The following STARD10 variants were observed in gnomAD, a reference collection of about 807,000 sequenced individuals.
STARD10 encodes the protein StAR related lipid transfer domain containing 10, also known as START domain-containing protein 10.
In STARD10, 24 loss-of-function variants were observed where a neutral mutation model predicts 36.0. That is an observed-to-expected ratio of 0.67 (90% CI 0.48 to 0.94). The LOEUF is 0.94. Among genes scored for constraint, STARD10 ranks in the 40% least tolerant of loss-of-function variants. The pLI, the probability that STARD10 is intolerant of heterozygous loss-of-function variation, is 0.00. For missense variants in STARD10, 335 were observed against 396.6 expected (o/e 0.84, Z 1.32); for synonymous variants, 156 against 161.9 (o/e 0.96, Z 0.28).
In STARD10 at chr11:72,755,003, G is replaced by A. The variant is rs369117140; in HGVS notation, c.770C>T (p.Ala257Val). The A allele has an allele frequency of 1.2e-6, 2 of 1,612,514 alleles. No homozygotes were observed. The highest frequency in any genetic ancestry group is 8.5e-7 in the Non-Finnish European group (1 of 1,179,486). ...LALSELSVQH[A>V]DSLENIDESA... ...CTCGTCGATGTTCTCCAGTGAGTCC[G>A]CATGCTGCACCGACAGCTCCGACAG... Residue 257 changes from alanine (A) to valine (V), a missense_variant, in exon 7 of 7, where the codon GCG (alanine) becomes GTG (valine). Coordinates refer to ENST00000334805, the MANE Select transcript of STARD10 (RefSeq NM_006645.3).
chr11:72,756,759 T>G (rs1032595884), intron 5 of STARD10, among the ~76,000 whole-genome samples: 2 of 151,876 alleles, frequency 1.3e-5, no homozygotes, highest in Admixed American at 1.3e-4. Context: ...TTAGAGAAAT[T>G]CCTCTGGCCG....
In STARD10 at chr11:72,767,203, A is replaced by G. The variant is rs549746226; in HGVS notation, c.208-7822T>C. On this transcript the variant is annotated intron_variant, in intron 2 of 6. Coordinates refer to ENST00000334805, the MANE Select transcript of STARD10 (RefSeq NM_006645.3). ...GCCCTGAACAACAGCCCCAACCTCC[A>G]TAACCATTACCATTGCTCGAAATCA... Among the ~76,000 whole-genome samples, 181 of 152,276 alleles carry G rather than the reference A, an allele frequency of 1.2e-3. 2 individuals carry two copies. Among genetic ancestry groups the G allele is most frequent in the South Asian group, 6.8e-3 (33 of 4,818 alleles).
At chr11:72,763,562 GACAA>G (rs1038281229) in intron 2 of STARD10, among the ~76,000 whole-genome samples, 2 of 152,124 alleles carry the variant, frequency 1.3e-5, no homozygotes, top group African/African-American at 4.8e-5. Flanking sequence ...GGGAACCTCA[GACAA>G]ACCCAGAATG....
chr11:72,755,064 G>A lies in STARD10; in HGVS notation c.709C>T (p.Leu237=), dbSNP rs201085600. ...GGCAACGGGCTCTGCTCCGGGTGCA[G>A]CCACGGCTTGAAGTGAGGCAGGTGC... ...QKHLPHFKPW[L]HPEQSPLPSL... is the part of the protein sequence containing the mutation. Residue 237 remains leucine (L), a synonymous_variant, in exon 7 of 7, where the codon CTG becomes TTG. Transcript: ENST00000334805. 4.3e-5 allele frequency: 70 copies of A among 1,613,214 alleles called. No individual in the cohort carries two copies. The African/African-American group carries it at 8.1e-4, about 19-fold the overall frequency.
intron 1 of STARD10, among the ~76,000 whole-genome samples, chr11:72,787,162 C>T (rs1382298601): frequency 6.6e-6 from 1 of 151,858 alleles, no homozygotes; most frequent in Admixed American, 6.6e-5. Context: ...GACCACACAC[C>T]ACTAAGTAAG....
At chr11:72,785,742 A>G (rs1859063958) in intron 1 of STARD10, 1 of 152,538 alleles carries the variant, frequency 6.6e-6, no homozygotes, top group African/African-American at 2.4e-5. Flanking sequence ...GGTGGCCCCC[A>G]ACCTGCCCAG....
At chr11:72,759,169 G>A in intron 3 of STARD10, 65 bp downstream of exon 3, 3 of 1,580,266 alleles carry the variant, frequency 1.9e-6, no homozygotes, top group Admixed American at 3.5e-5. Flanking sequence ...GGGGGAAGAG[G>A]AGGCTTGGTG....
intron 1 of STARD10, among the ~76,000 whole-genome samples, chr11:72,787,492 C>T (rs1311504020): frequency 1.3e-5 from 2 of 152,240 alleles, no homozygotes; most frequent in Non-Finnish European, 2.9e-5. Context: ...CCCAGGTGGG[C>T]AGGGCCTGAA....
intron 6 of STARD10, 124 bp downstream of exon 6, chr11:72,755,577 C>T: frequency 1.7e-6 from 2 of 1,145,960 alleles, no homozygotes; most frequent in Non-Finnish European, 2.6e-6. Context: ...TCCCAAAGTG[C>T]TGGGATTACA....
At chr11:72,759,514 T>C (rs1858689492) in intron 2 of STARD10, 133 bp from the exon 3 acceptor site, 1 of 1,096,040 alleles carries the variant, frequency 9.1e-7, no homozygotes, top group Non-Finnish European at 1.3e-6. Context: ...GAAACCAGCA[T>C]GGACTTCCTT....
intron 1 of STARD10, among the ~76,000 whole-genome samples, chr11:72,792,478 C>T (rs372402783): frequency 1.6e-4 from 25 of 151,974 alleles, no homozygotes; most frequent in African/African-American, 4.3e-4. Flanking sequence ...CCCCAACCTA[C>T]CCCCAAAACC....
At position 72,757,808 on chromosome 11, in the gene STARD10, T is replaced by C. The variant is rs374927236; in HGVS notation, c.536A>G (p.Lys179Arg). 3.8e-5 allele frequency: 62 copies of C among 1,614,200 alleles called. No homozygotes were observed. Among genetic ancestry groups the C allele is most frequent in the East Asian group, 2.2e-4 (10 of 44,874 alleles). Reference protein sequence around the residue: ...TGYLIQSTGPKSCVITYLAQV... With the variant: ...TGYLIQSTGPRSCVITYLAQV... ...GGCCAGGTAGGTGATGACGCAGCTC[T>C]TGGGCCCTGTGCTCTGGATGAGGTA... The change falls in exon 5 of 7, where the codon AAG (lysine) becomes AGG (arginine). Residue 179 changes from lysine to arginine, a missense_variant. By Grantham distance (26) the Lys-to-Arg change is conservative (BLOSUM62 2). Transcript: ENST00000334805.
Position 72,754,774 on chromosome 11 carries a change from A to T in STARD10, c.*123T>A. On this transcript the variant is annotated 3_prime_UTR_variant, in exon 7 of 7. Transcript: ENST00000334805. ...TTGGGGCTCTGTCCAGCCAGGCTGC[A>T]GCACCCGCCTGGGCCTGGCCCGGTG... is the stretch of plus-strand genomic sequence containing the variant. 2 of 1,406,294 alleles carry T rather than the reference A, an allele frequency of 1.4e-6. No homozygotes were observed. The highest frequency in any genetic ancestry group is 1.9e-6 in the Non-Finnish European group (2 of 1,034,192). 87.1% of individuals were successfully genotyped at this position (1,406,294 alleles called of 1,614,324 possible).
At chr11:72,757,606 G>C (rs908789457) in intron 5 of STARD10, among the ~76,000 whole-genome samples, 161 bp downstream of exon 5, 7 of 152,232 alleles carry the variant, frequency 4.6e-5, no homozygotes, top group Admixed American at 2.6e-4. Context: ...TCAAACCACT[G>C]TAAAGTCCCA....
rs757329628 is a variant in STARD10, at chr11:72,755,030, G to C, written c.743C>G (p.Ala248Gly). The change falls in exon 7 of 7, where the codon GCG (alanine) becomes GGG (glycine). Residue 248 changes from alanine (A) to glycine (G), a missense_variant. By Grantham distance (60) the Ala-to-Gly change is moderately conservative (BLOSUM62 0). Transcript: ENST00000334805. ...HPEQSPLPSLALSELSVQHAD... is the reference protein window; with the variant it reads ...HPEQSPLPSLGLSELSVQHAD... Reference sequence around the variant, plus strand: ...ATGCTGCACCGACAGCTCCGACAGCGCCAGGCTCGGCAACGGGCTCTGCTC... The same window carrying C: ...ATGCTGCACCGACAGCTCCGACAGCCCCAGGCTCGGCAACGGGCTCTGCTC... 6.2e-7 allele frequency: 1 copy of C among 1,612,992 alleles called. No homozygotes were observed. Among genetic ancestry groups the C allele is most frequent in the Non-Finnish European group, 8.5e-7 (1 of 1,179,654 alleles).
chr11:72,775,126 T>A (rs1186535158), intron 2 of STARD10, among the ~76,000 whole-genome samples: 1 of 152,200 alleles, frequency 6.6e-6, no homozygotes, highest in Non-Finnish European at 1.5e-5. Context: ...ATGTACAGGA[T>A]GGCTGTACAT....
chr11:72,791,740 T>G (rs1859145128), intron 1 of STARD10, among the ~76,000 whole-genome samples: 1 of 151,738 alleles, frequency 6.6e-6, no homozygotes, highest in African/African-American at 2.4e-5. Flanking sequence ...TTCTTTAGCC[T>G]CAGTTTCTCT....
intron 2 of STARD10, among the ~76,000 whole-genome samples, chr11:72,772,947 C>T (rs1047259013): frequency 6.6e-6 from 1 of 152,148 alleles, no homozygotes; most frequent in African/African-American, 2.4e-5. Flanking sequence ...GTCTCTGTCC[C>T]CACACTGCTC....
rs576130846 is a variant in STARD10 at position 72,762,114 on chromosome 11, C to T, written c.208-2733G>A. ...CTAATTTTTGTATTTTTAATAGAGA[C>T]GGGGTTTCACCATGTTGGCCAGGCT... On this transcript the variant is annotated intron_variant, in intron 2 of 6. Coordinates refer to ENST00000334805, the MANE Select transcript of STARD10 (RefSeq NM_006645.3). Among the ~76,000 whole-genome samples the T allele has an allele frequency of 1.7e-3, 253 of 151,322 alleles. 4 individuals carry two copies. In the South Asian group the frequency reaches 0.044, roughly 26 times the overall value.
Sources: allele counts gnomAD v4.1 joint callset (sites outside exome capture counted in the v4.1 genomes callset), GRCh38; gene constraint gnomAD v4.1.1; transcripts MANE v1.5; gene names NCBI Gene and HGNC (gene_info 2026-07-23, HGNC 2026-07-21).